Variants in CRLS1 observed in about 807,000 individuals in gnomAD.
CRLS1 encodes cardiolipin synthase (CMP-forming).
Under a neutral mutation model 37.0 loss-of-function variants are expected in CRLS1, and 24 were observed. The ratio of observed to expected loss-of-function variants is 0.65; its 90% CI spans 0.47 to 0.91. CRLS1 has a LOEUF of 0.91. Ranked by LOEUF, CRLS1 falls within the 40% of genes least tolerant of loss-of-function variation. The pLI is 0.00. For synonymous variants in CRLS1, 135 were observed against 159.7 expected (o/e 0.85, Z 1.17); for missense variants, 373 against 395.8 (o/e 0.94, Z 0.49).
In CRLS1 at chr20:6,038,762, C is replaced by T. The variant is rs942880727; in HGVS notation, c.*1604C>T. ...GAAGTAGCTATGCGAAAATTTAGAA[C>T]TTTGCACTTTGTTAACGCTTATTTA... On this transcript the variant is annotated 3_prime_UTR_variant, in exon 7 of 7. Transcript: ENST00000378863. 1.3e-5 allele frequency: 2 copies of T among 152,204 alleles called. No homozygotes were observed. The highest frequency in any genetic ancestry group is 4.8e-5 in the African/African-American group (2 of 41,450). The allele number at this position is 152,204 out of a possible 1,614,324, so 9.4% of individuals were successfully genotyped here. A position where few individuals can be genotyped will look rare whatever the true frequency, so the allele number is the denominator to read the frequency against.
chr20:6,013,530 T>C (rs967092982), intron 2 of CRLS1, among the ~76,000 whole-genome samples: 1 of 152,068 alleles, frequency 6.6e-6, no homozygotes, highest in African/African-American at 2.4e-5. Context: ...GGTGGGGGAT[T>C]TGATGATGGG....
intron 3 of CRLS1, among the ~76,000 whole-genome samples, chr20:6,021,443 G>A (rs1434890411): frequency 1.3e-5 from 2 of 152,092 alleles, no homozygotes; most frequent in African/African-American, 2.4e-5. Flanking sequence ...TGAAGTGAAT[G>A]TTTTGTTATG....
At chr20:6,021,130 C>T (rs1247532424) in intron 3 of CRLS1, among the ~76,000 whole-genome samples, 4 of 148,264 alleles carry the variant, frequency 2.7e-5, no homozygotes, top group African/African-American at 7.5e-5. Flanking sequence ...CCCATGGCAC[C>T]ATCTCGGCTC....
chr20:6,016,962 C>T (rs1267188199), intron 3 of CRLS1, among the ~76,000 whole-genome samples: 1 of 152,014 alleles, frequency 6.6e-6, no homozygotes, highest in Non-Finnish European at 1.5e-5. Context: ...TTGAAGTAGG[C>T]ATCACTTTTT....
intron 2 of CRLS1, among the ~76,000 whole-genome samples, chr20:6,012,673 G>T (rs1479053984): frequency 6.6e-6 from 1 of 152,180 alleles, no homozygotes; most frequent in Admixed American, 6.5e-5. Context: ...CAGTTGGGCA[G>T]TTTAGTAGTT....
chr20:6,031,185 A>C, intron 3 of CRLS1, 100 bp from the exon 4 acceptor site: 1 of 697,360 alleles, frequency 1.4e-6, no homozygotes, highest in African/African-American at 1.8e-5. Context: ...TTGTGAAAAC[A>C]GCAGTTTGTG....
chr20:6,020,746 C>T (rs1444403296), intron 3 of CRLS1, among the ~76,000 whole-genome samples: 15 of 151,780 alleles, frequency 9.9e-5, no homozygotes, highest in African/African-American at 3.6e-4. Context: ...CCTCAGCCTC[C>T]CGAGTAGCTG....
intron 3 of CRLS1, among the ~76,000 whole-genome samples, chr20:6,025,939 T>C (rs990452494): frequency 2.6e-5 from 4 of 152,210 alleles, no homozygotes; most frequent in Non-Finnish European, 4.4e-5. Flanking sequence ...AGATGAAATA[T>C]ACTCCTGGTG....
chr20:6,033,889 T>G (rs1455487289), intron 5 of CRLS1, among the ~76,000 whole-genome samples: 1 of 152,060 alleles, frequency 6.6e-6, no homozygotes, highest in East Asian at 1.9e-4. Flanking sequence ...CAAGTAGTCC[T>G]TCTGCCTCAG....
At chr20:6,019,691 CTTTTTTT>C (rs146083457) in intron 3 of CRLS1, among the ~76,000 whole-genome samples, 2 of 120,248 alleles carry the variant, frequency 1.7e-5, no homozygotes, top group African/African-American at 6.4e-5. Context: ...TTTCGAAATT[CTTTTTTT>C]TTTTTTTTTT....
chr20:6,029,012 A>C (rs1410069724), intron 3 of CRLS1, among the ~76,000 whole-genome samples: 2 of 152,222 alleles, frequency 1.3e-5, no homozygotes, highest in Non-Finnish European at 2.9e-5. Context: ...CTTTGAGACC[A>C]CCTGGTACAG....
At chr20:6,016,272 C>T (rs1568619842) in intron 3 of CRLS1, among the ~76,000 whole-genome samples, 1 of 152,178 alleles carries the variant, frequency 6.6e-6, no homozygotes, top group Non-Finnish European at 1.5e-5. Context: ...ATTATTGACA[C>T]TTGGTAGAAA....
chr20:6,017,104 C>T (rs1349515684), intron 3 of CRLS1, among the ~76,000 whole-genome samples: 2 of 152,158 alleles, frequency 1.3e-5, no homozygotes, highest in African/African-American at 4.8e-5. Context: ...AGTCCTCTGA[C>T]CTCAGCCTCC....
intron 2 of CRLS1, among the ~76,000 whole-genome samples, chr20:6,010,904 G>A (rs2090123551): frequency 6.6e-6 from 1 of 151,920 alleles, no homozygotes; most frequent in Admixed American, 6.6e-5. Context: ...GCAGTCCTAG[G>A]TACTCAGGAG....
intron 2 of CRLS1, among the ~76,000 whole-genome samples, chr20:6,014,381 G>C (rs969794897): frequency 6.6e-6 from 1 of 152,164 alleles, no homozygotes; most frequent in African/African-American, 2.4e-5. Flanking sequence ...TGGAATACTT[G>C]AGATATGGAC....
chr20:6,006,728 A>T lies in CRLS1; in HGVS notation c.306+176A>T, dbSNP rs192890489. 248 of 984,766 alleles carry T rather than the reference A, an allele frequency of 2.5e-4. No homozygotes were observed. The African/African-American group carries it at 4.2e-3, about 17-fold the overall frequency. The allele number at this position is 984,766 out of a possible 1,614,324, so 61.0% of individuals were successfully genotyped here. A position where few individuals can be genotyped will look rare whatever the true frequency, so the allele number is the denominator to read the frequency against. ...GGTCGGGATGAATTTCAGGGTCACC[A>T]GCGGGGTCCACCTACGGTCTCTGTG... On this transcript the variant is annotated intron_variant, in intron 1 of 6. Transcript: ENST00000378863.
At position 6,037,551 on chromosome 20, in the gene CRLS1, AAT is replaced by A. The variant is rs1980647247; in HGVS notation, c.*400_*401del. 1 of 157,044 alleles carries A rather than the reference AAT, an allele frequency of 6.4e-6. No individual in the cohort carries two copies. Among genetic ancestry groups the A allele is most frequent in the Non-Finnish European group, 1.4e-5 (1 of 71,276 alleles). 9.7% of individuals were successfully genotyped at this position (157,044 alleles called of 1,614,324 possible). ...GCACTAGGAAATGTCATGGGGTTCAAATATATATCCTACACAACTGGGCAATA... is the reference window on the plus strand; with the variant it reads ...GCACTAGGAAATGTCATGGGGTTCAAATATATCCTACACAACTGGGCAATA... On this transcript the variant is annotated 3_prime_UTR_variant, in exon 7 of 7. Transcript: ENST00000378863.
At chr20:6,023,397 C>CA (rs1175854720) in intron 3 of CRLS1, 4 of 152,186 alleles carry the variant, frequency 2.6e-5, no homozygotes, top group African/African-American at 9.7e-5. Flanking sequence ...GGAATGCTAA[C>CA]AGTCTGGGAC....
chr20:6,017,193 C>T (rs893142720), intron 3 of CRLS1, among the ~76,000 whole-genome samples: 3 of 152,008 alleles, frequency 2.0e-5, no homozygotes, highest in Non-Finnish European at 2.9e-5. Context: ...TACCACGTTG[C>T]CCAGGCTGGA....
Sources: gnomAD v4.1 joint callset for allele counts (sites outside exome capture counted in the v4.1 genomes callset) on GRCh38, gnomAD v4.1.1 for gene constraint, MANE v1.5 for transcripts, NCBI Gene and HGNC (gene_info 2026-07-23, HGNC 2026-07-21) for gene names.